BANK1: variants seen among roughly 807,000 people sequenced by gnomAD.
The protein encoded by BANK1 is B cell scaffold protein with ankyrin repeats 1, also known as B-cell scaffold protein with ankyrin repeats.
BANK1 carries 95 observed loss-of-function variants against 94.5 expected under a neutral mutation model. The observed-to-expected ratio is 1.00, with a 90% CI of 0.85 to 1.19. The LOEUF (loss-of-function observed/expected upper bound fraction) is 1.19, where lower values mean the gene tolerates loss of function less well. BANK1 is among the 50% of genes most tolerant of loss of function. The pLI, the probability that BANK1 is intolerant of heterozygous loss-of-function variation, is 0.00. For missense variants in BANK1, 987 were observed against 932.2 expected, an observed-to-expected ratio of 1.06 and a Z score of -0.77; for synonymous variants, 334 against 308.4, an observed-to-expected ratio of 1.08 and a Z score of -0.87.
chr4:101,878,232 C>T (rs1728560785), intron 5 of BANK1, among the ~76,000 whole-genome samples: 1 of 151,806 alleles, frequency 6.6e-6, no homozygotes, highest in Non-Finnish European at 1.5e-5. Flanking sequence ...TATAAAGACA[C>T]ACATAGACTG....
At chr4:101,904,624 A>G (rs1473061357) in intron 6 of BANK1, among the ~76,000 whole-genome samples, 1 of 152,122 alleles carries the variant, frequency 6.6e-6, no homozygotes, top group Non-Finnish European at 1.5e-5. Context: ...GACATACCCC[A>G]TTTCATGCAT....
At chr4:102,051,342 CAA>C (rs1177229009) in intron 11 of BANK1, among the ~76,000 whole-genome samples, 1 of 152,138 alleles carries the variant, frequency 6.6e-6, no homozygotes, top group Non-Finnish European at 1.5e-5. Flanking sequence ...ATATTGCTCA[CAA>C]AAGTTTTTTG....
intron 7 of BANK1, among the ~76,000 whole-genome samples, chr4:102,019,987 A>G (rs572130627): frequency 6.6e-6 from 1 of 152,294 alleles, no homozygotes; most frequent in South Asian, 2.1e-4. Flanking sequence ...ATATGGCTTC[A>G]GTTATGACAC....
At chr4:101,926,670 A>G (rs532150732) in intron 7 of BANK1, among the ~76,000 whole-genome samples, 34 of 151,912 alleles carry the variant, frequency 2.2e-4, no homozygotes, top group Non-Finnish European at 3.4e-4. Context: ...GAAGAAATAG[A>G]AAGAACCACA....
intron 6 of BANK1, among the ~76,000 whole-genome samples, chr4:101,895,801 C>T (rs1413554764): frequency 6.6e-6 from 1 of 151,634 alleles, no homozygotes; most frequent in African/African-American, 2.4e-5. Flanking sequence ...ACGTGACCAC[C>T]AGAAATTAAT....
chr4:102,067,187 A>T (rs1355384360), intron 13 of BANK1, among the ~76,000 whole-genome samples: 1 of 152,144 alleles, frequency 6.6e-6, no homozygotes, highest in Non-Finnish European at 1.5e-5. Context: ...GAAATAAAAT[A>T]GATTATTAAA....
At chr4:101,942,402 C>T (rs1723783298) in intron 7 of BANK1, among the ~76,000 whole-genome samples, 1 of 151,856 alleles carries the variant, frequency 6.6e-6, no homozygotes, top group Non-Finnish European at 1.5e-5. Context: ...TCAGAGAGAG[C>T]TCTAGAGGCC....
chr4:101,913,990 G>A (rs560736061), intron 6 of BANK1, among the ~76,000 whole-genome samples: 19 of 152,144 alleles, frequency 1.2e-4, no homozygotes, highest in African/African-American at 2.4e-4. Flanking sequence ...AATCTTAAGC[G>A]TACAATTCAA....
intron 2 of BANK1, among the ~76,000 whole-genome samples, chr4:101,836,055 T>G (rs1405542179): frequency 6.6e-6 from 1 of 152,184 alleles, no homozygotes; most frequent in Non-Finnish European, 1.5e-5. Context: ...GAAAAATATT[T>G]TCCTCATCTA....
chr4:102,027,148 A>AT lies in BANK1; in HGVS notation c.1594+1645dup, dbSNP rs574674031. The stretch of plus-strand genomic sequence containing the variant: ...TACAAAATTCTGGCATATTTTTCTC[A>AT]TTTTTTCAGATCTGAATAATTTGTT... On this transcript the variant is annotated intron_variant, in intron 9 of 16. Coordinates refer to ENST00000322953, the MANE Select transcript of BANK1 (RefSeq NM_017935.5). Among the ~76,000 whole-genome samples, 351 of 152,282 alleles carry AT rather than the reference A, an allele frequency of 2.3e-3. 1 individual carries two copies. Among genetic ancestry groups the AT allele is most frequent in the African/African-American group, 7.3e-3 (302 of 41,572 alleles).
chr4:102,033,009 C>T (rs977087733), intron 10 of BANK1, among the ~76,000 whole-genome samples: 1 of 151,984 alleles, frequency 6.6e-6, no homozygotes, highest in Non-Finnish European at 1.5e-5. Context: ...ATTGGATGGC[C>T]CCAAAATATT....
intron 7 of BANK1, among the ~76,000 whole-genome samples, chr4:101,965,287 A>C (rs1468124876): frequency 6.6e-6 from 1 of 151,802 alleles, no homozygotes; most frequent in African/African-American, 2.4e-5. Flanking sequence ...AAGAAACTAA[A>C]TGCCTTTTAC....
At chr4:101,894,226 C>A (rs188096250) in intron 5 of BANK1, among the ~76,000 whole-genome samples, 303 of 152,044 alleles carry the variant, frequency 2.0e-3, no homozygotes, top group Non-Finnish European at 3.2e-3. Context: ...TCACATTTTC[C>A]CTTCTTTTTT....
intron 5 of BANK1, among the ~76,000 whole-genome samples, chr4:101,880,758 A>G (rs906152700): frequency 1.3e-5 from 2 of 152,140 alleles, no homozygotes; most frequent in African/African-American, 4.8e-5. Flanking sequence ...GAGAACTCAT[A>G]AACAAATCCA....
intron 1 of BANK1, among the ~76,000 whole-genome samples, chr4:101,817,479 G>A (rs1462208869): frequency 6.6e-6 from 1 of 152,154 alleles, no homozygotes; most frequent in Non-Finnish European, 1.5e-5. Flanking sequence ...GCTAAATGAT[G>A]AGAAAACATG....
intron 5 of BANK1, among the ~76,000 whole-genome samples, chr4:101,890,875 T>C (rs1721843525): frequency 1.3e-5 from 2 of 151,982 alleles, no homozygotes; most frequent in Admixed American, 6.5e-5. Flanking sequence ...AGTCTAGCGC[T>C]GTCTTCATTT....
At position 102,030,222 on chromosome 4, in the gene BANK1, A is replaced by G; in HGVS notation, c.1857A>G (p.Thr619=). The change falls in exon 10 of 17, where the codon ACA becomes ACG. Residue 619 remains threonine, a synonymous_variant. Coordinates refer to ENST00000322953, the MANE Select transcript of BANK1 (RefSeq NM_017935.5). ...CTCCTGCCCCCACACCCCGACCCAC[A>G]AGTATACCTCCAAAAGAGGAAACTA... ...NRPPAPTPRP[T]SIPPKEETTP... 1 of 1,609,126 alleles carries G rather than the reference A, an allele frequency of 6.2e-7. No individual in the cohort carries two copies. Among genetic ancestry groups the G allele is most frequent in the Non-Finnish European group, 8.5e-7 (1 of 1,178,676 alleles).
intron 7 of BANK1, among the ~76,000 whole-genome samples, chr4:101,997,108 A>G (rs915995404): frequency 6.6e-6 from 1 of 152,148 alleles, no homozygotes; most frequent in African/African-American, 2.4e-5. Flanking sequence ...CATTCCATCA[A>G]TACCTAGTTT....
chr4:101,852,860 C>CT (rs536035090), intron 2 of BANK1, among the ~76,000 whole-genome samples: 73 of 151,890 alleles, frequency 4.8e-4, no homozygotes, highest in South Asian at 4.4e-3. Context: ...AATAAAATAA[C>CT]TTTTTTTTAC....
Sources: allele counts gnomAD v4.1 joint callset (sites outside exome capture counted in the v4.1 genomes callset), GRCh38; gene constraint gnomAD v4.1.1; transcripts MANE v1.5; gene names NCBI Gene and HGNC (gene_info 2026-07-23, HGNC 2026-07-21).